Variants in CDC42 observed in about 807,000 individuals in gnomAD.
The protein encoded by CDC42 is cell division control protein 42 homolog.
Under a neutral mutation model 20.8 loss-of-function variants are expected in CDC42, and 1 was observed. The ratio of observed to expected loss-of-function variants is 0.05; its 90% confidence interval spans 0.02 to 0.23. CDC42 has a LOEUF of 0.23. Among genes scored for constraint, CDC42 ranks in the 10% least tolerant of loss-of-function variants. The pLI, the probability that CDC42 is intolerant of heterozygous loss-of-function variation, is 1.00. For synonymous variants in CDC42, 72 were observed against 84.8 expected (o/e 0.85, Z 0.83); for missense variants, 49 against 227.9 (o/e 0.21, Z 5.05).
At chr1:22,080,313 C>A (rs909588993) in intron 2 of CDC42, among the ~76,000 whole-genome samples, 5 of 152,168 alleles carry the variant, frequency 3.3e-5, no homozygotes, top group African/African-American at 1.2e-4. Flanking sequence ...TTTTGAGTCT[C>A]TTAAGTGTGA....
chr1:22,081,717 T>C lies in CDC42; in HGVS notation c.106-5T>C. On this transcript the variant is annotated splice_polypyrimidine_tract_variant and splice_region_variant and intron_variant, in intron 2 of 5. Transcript: ENST00000656825. ...ACTAACAGTGTTGTATTTTTTTGTT[T>C]TTAGGTTTTTGACAACTATGCAGTC... 6.2e-7 allele frequency: 1 copy of C among 1,605,912 alleles called. No homozygotes were observed.
At position 22,091,791 on chromosome 1, in the gene CDC42, G is replaced by GTTTTTTTTTTTTTTTTTTTTTTTT. The variant is rs150558595; in HGVS notation, c.*275_*276insTTTTTTTTTTTTTTTTTTTTTTTT. ...TCAAAAAAAAAATTTTTGTGTGTGT[G>GTTTTTTTTTTTTTTTTTTTTTTTT]TGTTTTTTTTTTTTTTTTTTTTGTT... On this transcript the variant is annotated 3_prime_UTR_variant, in exon 6 of 6. Coordinates refer to ENST00000656825, the MANE Select transcript of CDC42 (RefSeq NM_001791.4). 2.6e-5 allele frequency: 2 copies of GTTTTTTTTTTTTTTTTTTTTTTTT among 77,876 alleles called. No individual in the cohort carries two copies. Among genetic ancestry groups the GTTTTTTTTTTTTTTTTTTTTTTTT allele is most frequent in the Non-Finnish European group, 4.4e-5 (2 of 45,188 alleles). 4.8% of individuals were successfully genotyped at this position (77,876 alleles called of 1,614,324 possible).
intron 1 of CDC42, among the ~76,000 whole-genome samples, chr1:22,075,468 C>T (rs1030288823): frequency 3.3e-5 from 5 of 152,156 alleles, no homozygotes; most frequent in African/African-American, 9.7e-5. Flanking sequence ...AGTTATCCAT[C>T]TGTATCTGTG....
rs1645735520 is a variant in CDC42, at chr1:22,093,522, G to A, written c.*2005G>A. Among the ~76,000 whole-genome samples the A allele has an allele frequency of 6.6e-6, 1 of 152,190 alleles. No homozygotes were observed. Among genetic ancestry groups the A allele is most frequent in the Non-Finnish European group, 1.5e-5 (1 of 68,026 alleles). ...TTTAGGACATTATACTGATCTGCAT[G>A]AGAATCTTAGAAACTAAGAACCCTT... On this transcript the variant is annotated 3_prime_UTR_variant, in exon 6 of 6. Coordinates refer to ENST00000656825, the MANE Select transcript of CDC42 (RefSeq NM_001791.4).
chr1:22,088,808 A>C (rs1645688015), intron 5 of CDC42, among the ~76,000 whole-genome samples: 1 of 152,030 alleles, frequency 6.6e-6, no homozygotes, highest in Non-Finnish European at 1.5e-5. Context: ...TGGTTCCTAG[A>C]TGTGCAGAAA....
In CDC42 at chr1:22,079,346, C is replaced by T. The variant is rs930695146; in HGVS notation, c.105+763C>T. On this transcript the variant is annotated intron_variant, in intron 2 of 5. Transcript: ENST00000656825. ...TAGAAACGGGGTTTTACCATGTTGG[C>T]CAGGCTGGTCTTGAACTCCTGACCT... Among the ~76,000 whole-genome samples the T allele has an allele frequency of 2.6e-5, 4 of 151,876 alleles. No individual in the cohort carries two copies. In the East Asian group the frequency reaches 7.7e-4, roughly 29 times the overall value.
intron 1 of CDC42, among the ~76,000 whole-genome samples, chr1:22,067,862 G>A (rs1270381342): frequency 6.6e-6 from 1 of 152,174 alleles, no homozygotes; most frequent in Non-Finnish European, 1.5e-5. Context: ...TGGTCAGGCG[G>A]TTGGGGCAGT....
chr1:22,091,481 A>G lies in CDC42; in HGVS notation c.540A>G (p.Pro180=). 2 of 1,613,750 alleles carry G rather than the reference A, an allele frequency of 1.2e-6. No homozygotes were observed. Among genetic ancestry groups the G allele is most frequent in the Non-Finnish European group, 1.7e-6 (2 of 1,179,690 alleles). The change falls in exon 6 of 6, where the codon CCA becomes CCG. Residue 180 remains proline (P), a synonymous_variant. Coordinates refer to ENST00000656825, the MANE Select transcript of CDC42 (RefSeq NM_001791.4). ...CAATATTGGCTGCCCTGGAGCCTCC[A>G]GAACCGAAGAAGAGCCGCAGGTGTG... ...DEAILAALEP[P]EPKKSRRCVL... is the part of the protein sequence containing the mutation.
chr1:22,067,057 G>A (rs747077551), intron 1 of CDC42, among the ~76,000 whole-genome samples: 7 of 152,124 alleles, frequency 4.6e-5, no homozygotes, highest in South Asian at 4.1e-4. Flanking sequence ...AGCCTGGCAC[G>A]TCTGGGGAGG....
intron 1 of CDC42, among the ~76,000 whole-genome samples, chr1:22,072,598 CCT>C (rs1645504661): frequency 6.6e-6 from 1 of 152,116 alleles, no homozygotes; most frequent in South Asian, 2.1e-4. Flanking sequence ...GCCCTCCTCC[CCT>C]CTCTGGAGGT....
At chr1:22,075,703 C>T (rs1645541921) in intron 1 of CDC42, among the ~76,000 whole-genome samples, 1 of 152,288 alleles carries the variant, frequency 6.6e-6, no homozygotes, top group East Asian at 1.9e-4. Context: ...TCTTAGTTTA[C>T]CTTATGAGAA....
chr1:22,059,744 A>C (rs1421256982), intron 1 of CDC42: 1 of 151,812 alleles, frequency 6.6e-6, no homozygotes, highest in Non-Finnish European at 1.5e-5. Flanking sequence ...GGGTTTCACT[A>C]TGTTGGACAG....
chr1:22,064,606 T>C (rs897775042), intron 1 of CDC42, among the ~76,000 whole-genome samples: 17 of 152,090 alleles, frequency 1.1e-4, no homozygotes, highest in Non-Finnish European at 2.5e-4. Flanking sequence ...AGTGCTCTTA[T>C]TTTGTTTTCA....
intron 1 of CDC42, among the ~76,000 whole-genome samples, chr1:22,073,318 C>T (rs1283442319): frequency 6.6e-6 from 1 of 152,072 alleles, no homozygotes; most frequent in African/African-American, 2.4e-5. Context: ...GGGTGGATCA[C>T]CTGAGGTCAG....
intron 2 of CDC42, 139 bp from the exon 3 acceptor site, chr1:22,081,583 A>T: frequency 6.7e-6 from 4 of 600,732 alleles, no homozygotes; most frequent in Non-Finnish European, 8.9e-6. Flanking sequence ...GGTTGGCAAG[A>T]TTGGTTATAT....
intron 1 of CDC42, among the ~76,000 whole-genome samples, chr1:22,055,515 G>A (rs1372170386): frequency 6.7e-6 from 1 of 148,928 alleles, no homozygotes; most frequent in African/African-American, 2.5e-5. Flanking sequence ...TTGGAGACAG[G>A]GTCTTACTCT....
At chr1:22,069,989 C>T (rs1180324179) in intron 1 of CDC42, among the ~76,000 whole-genome samples, 4 of 152,006 alleles carry the variant, frequency 2.6e-5, no homozygotes, top group South Asian at 2.1e-4. Flanking sequence ...AGTTTTGCCA[C>T]GTTGCCTAGG....
chr1:22,096,961 T>C lies in CDC42; in HGVS notation c.*5444T>C, dbSNP rs889006606. 3.3e-5 allele frequency among the ~76,000 whole-genome samples: 5 copies of C among 152,266 alleles called. No individual in the cohort carries two copies. The highest frequency in any genetic ancestry group is 9.6e-5 in the African/African-American group (4 of 41,466). Reference sequence around the variant, plus strand: ...CAATGTTGTATTGAGATGATTGTTATTCTACATTGTATTTATTTAGATAGT... The same window carrying C: ...CAATGTTGTATTGAGATGATTGTTACTCTACATTGTATTTATTTAGATAGT... On this transcript the variant is annotated 3_prime_UTR_variant, in exon 6 of 6. Coordinates refer to ENST00000656825, the MANE Select transcript of CDC42 (RefSeq NM_001791.4).
At position 22,101,309 on chromosome 1, in the gene CDC42, C is replaced by G. The variant is rs900585994; in HGVS notation, c.*9792C>G. On this transcript the variant is annotated 3_prime_UTR_variant, in exon 6 of 6. Coordinates refer to ENST00000656825, the MANE Select transcript of CDC42 (RefSeq NM_001791.4). ...ACCAGAGTTTCCTTGGGCAAGTTGC[C>G]ATACCTTTTTGGGCCTTGGTTTCCT... The G allele has an allele frequency of 6.6e-6, 1 of 152,176 alleles. No homozygotes were observed. The highest frequency in any genetic ancestry group is 2.4e-5 in the African/African-American group (1 of 41,440). The allele number at this position is 152,176 out of a possible 1,614,324, so 9.4% of individuals were successfully genotyped here.
Sources: gnomAD v4.1 joint callset for allele counts (sites outside exome capture counted in the v4.1 genomes callset) on GRCh38, gnomAD v4.1.1 for gene constraint, MANE v1.5 for transcripts, NCBI Gene and HGNC (gene_info 2026-07-23, HGNC 2026-07-21) for gene names.